ODF2: variants seen among roughly 807,000 people sequenced by gnomAD.
The protein encoded by ODF2 is outer dense fiber protein 2.
A neutral mutation model predicts 110.2 loss-of-function variants in ODF2; 47 were observed. That is an observed-to-expected ratio of 0.43 (90% confidence interval 0.34 to 0.54). ODF2 has a LOEUF of 0.54. Ranked by LOEUF, ODF2 falls within the 20% of genes least tolerant of loss-of-function variation. The pLI is 0.03. For synonymous variants in ODF2, 352 were observed against 397.7 expected (o/e 0.89, Z 1.37); for missense variants, 812 against 1,054.5 (o/e 0.77, Z 3.19).
At chr9:128,457,422 C>T (rs1222192792) in exon 2 of ODF2, 1 of 1,612,488 alleles carries the variant, frequency 6.2e-7, no homozygotes, top group South Asian at 1.1e-5. Context: ...GCCTCATCCT[C>T]AGGCGGCTCC....
At chr9:128,459,292 A>G (rs1336310067) in intron 2 of ODF2, among the ~76,000 whole-genome samples, 1 of 152,146 alleles carries the variant, frequency 6.6e-6, no homozygotes, top group Non-Finnish European at 1.5e-5. Context: ...ATCTGACAGG[A>G]TGTCAGCTAG....
At chr9:128,457,474 A>G (rs770194591) in intron 2 of ODF2, 7 of 1,568,136 alleles carry the variant, frequency 4.5e-6, no homozygotes, top group Non-Finnish European at 6.0e-6. Flanking sequence ...GCCGGAGGGC[A>G]GGGAAAGGTG....
chr9:128,496,100 G>A, exon 18 of ODF2: 1 of 1,613,976 alleles, frequency 6.2e-7, no homozygotes, highest in South Asian at 1.1e-5. Flanking sequence ...CTTCCCAGAA[G>A]GAAAATAAAC....
chr9:128,465,470 C>T (rs1040095467), intron 4 of ODF2, among the ~76,000 whole-genome samples: 13 of 152,142 alleles, frequency 8.5e-5, no homozygotes, highest in East Asian at 3.9e-4. Flanking sequence ...CAGCCGGGCG[C>T]GGTGGCTCAC....
intron 13 of ODF2, among the ~76,000 whole-genome samples, chr9:128,487,595 G>T (rs1345922718): frequency 2.6e-5 from 4 of 152,072 alleles, no homozygotes; most frequent in African/African-American, 9.7e-5. Flanking sequence ...AGACCATCCT[G>T]GCTAACACGG....
intron 19 of ODF2, among the ~76,000 whole-genome samples, 174 bp downstream of exon 19, chr9:128,498,749 C>T (rs1436266283): frequency 6.6e-6 from 1 of 152,224 alleles, no homozygotes; most frequent in African/African-American, 2.4e-5. Flanking sequence ...GATGATTGCT[C>T]ATTTACTCAC....
chr9:128,455,395 CA>C (rs56260592), upstream of ODF2: 363 of 438,340 alleles, frequency 8.3e-4, no homozygotes, highest in Middle Eastern at 1.2e-3. Context: ...ACTAAAAATA[CA>C]AAAAAAAATT....
Position 128,473,752 on chromosome 9 carries a change from G to A in ODF2, c.843+11G>A, listed in dbSNP as rs769046629. Reference sequence around the variant, plus strand: ...CAGCACTGCAAAGAGGTGAGCTTGGGGCCTGGCTCTTTCCCTCCAGCTCTG... The same window carrying A: ...CAGCACTGCAAAGAGGTGAGCTTGGAGCCTGGCTCTTTCCCTCCAGCTCTG... On this transcript the variant is annotated intron_variant, in intron 8 of 20. Transcript: ENST00000604420. The A allele has an allele frequency of 2.5e-6, 4 of 1,611,136 alleles. No individual in the cohort carries two copies. Among genetic ancestry groups the A allele is most frequent in the Non-Finnish European group, 3.4e-6 (4 of 1,178,844 alleles).
chr9:128,467,942 G>T (rs1838720489), intron 4 of ODF2, among the ~76,000 whole-genome samples: 1 of 151,976 alleles, frequency 6.6e-6, no homozygotes, highest in Non-Finnish European at 1.5e-5. Flanking sequence ...TGATCCGCCC[G>T]CCTTGGCCTC....
chr9:128,468,786 C>T (rs868690952), intron 4 of ODF2, among the ~76,000 whole-genome samples: 3 of 152,086 alleles, frequency 2.0e-5, no homozygotes, highest in Non-Finnish European at 4.4e-5. Flanking sequence ...CCTCCCAAAG[C>T]GCTGGGATTG....
At chr9:128,455,210 A>G (rs754492757), upstream of ODF2, 23 of 1,535,524 alleles carry the variant, frequency 1.5e-5, no homozygotes, top group South Asian at 2.6e-4. Flanking sequence ...GCGGACCAGC[A>G]AGGACCTCAT....
exon 2 of ODF2, chr9:128,457,370 C>A (rs772076532): frequency 1.2e-6 from 2 of 1,612,702 alleles, no homozygotes; most frequent in Non-Finnish European, 1.7e-6. Context: ...AGCCTGCTGA[C>A]CCAATTGCCC....
intron 4 of ODF2, among the ~76,000 whole-genome samples, chr9:128,461,830 T>C (rs576913933): frequency 1.3e-5 from 2 of 152,262 alleles, no homozygotes; most frequent in Admixed American, 6.5e-5. Flanking sequence ...TCATACCTCA[T>C]AAAACTATGT....
rs557057691 is a variant in ODF2 at position 128,474,912 on chromosome 9, C to T, written c.843+1171C>T. Among the ~76,000 whole-genome samples the T allele has an allele frequency of 4.0e-5, 6 of 149,364 alleles. No homozygotes were observed. The South Asian group carries it at 6.4e-4, about 16-fold the overall frequency. On this transcript the variant is annotated intron_variant, in intron 8 of 20. Coordinates refer to ENST00000604420, the Ensembl canonical transcript of ODF2. The stretch of plus-strand genomic sequence containing the variant: ...CTGGGAGGCGGAGGTTGCAGTGAGC[C>T]GAGATTGTGCCATTGCACTCCAGCC...
At chr9:128,457,086 G>T (rs904338321) in intron 1 of ODF2, 6 of 1,353,662 alleles carry the variant, frequency 4.4e-6, no homozygotes, top group African/African-American at 1.5e-5. Context: ...AGTCCTCCGC[G>T]TGGGACCCGG....
At chr9:128,487,480 C>G (rs13298082) in intron 13 of ODF2, among the ~76,000 whole-genome samples, 96,923 of 151,870 alleles carry the variant, frequency 0.64, 33,830 homozygotes, top group Non-Finnish European at 0.78. Context: ...ACACAAAGAC[C>G]TGGGTTCTTT....
At chr9:128,492,507 G>A (rs1844803005) in exon 15 of ODF2, 1 of 1,613,764 alleles carries the variant, frequency 6.2e-7, no homozygotes, top group African/African-American at 1.3e-5. Context: ...GAAGAACTAT[G>A]AGGGGATGAT....
chr9:128,484,017 A>G (rs769773829), exon 11 of ODF2: 14 of 1,613,310 alleles, frequency 8.7e-6, no homozygotes, highest in South Asian at 2.2e-5. Flanking sequence ...CTTCGGTCCA[A>G]AGAGGCTGAG....
At chr9:128,472,210 G>A (rs973855053) in intron 6 of ODF2, among the ~76,000 whole-genome samples, 1 of 152,072 alleles carries the variant, frequency 6.6e-6, no homozygotes, top group Non-Finnish European at 1.5e-5. Flanking sequence ...ATCCTGGGAG[G>A]CATCTCAAAA....
Sources: allele counts gnomAD v4.1 joint callset (sites outside exome capture counted in the v4.1 genomes callset), GRCh38; gene constraint gnomAD v4.1.1; transcripts MANE v1.5; gene names NCBI Gene and HGNC (gene_info 2026-07-23, HGNC 2026-07-21).